NBPF14: variants seen among roughly 807,000 people sequenced by gnomAD.
The protein encoded by NBPF14 is NBPF family member NBPF14.
In NBPF14, 104 loss-of-function variants were observed where a neutral mutation model predicts 91.2. That is an observed-to-expected ratio of 1.14 (90% confidence interval 0.97 to 1.34). The LOEUF (loss-of-function observed/expected upper bound fraction) is 1.34, where lower values mean the gene tolerates loss of function less well. NBPF14 is among the 40% of genes most tolerant of loss of function. The pLI is 0.00. For missense variants in NBPF14, 908 were observed against 783.0 expected (o/e 1.16, Z -1.91); for synonymous variants, 294 against 303.8 (o/e 0.97, Z 0.34).
rs1224633711 is a variant in NBPF14, at chr1:148,590,222, T to A, written c.778+535A>T. On this transcript the variant is annotated intron_variant, in intron 6 of 70. Transcript: ENST00000619423. The stretch of plus-strand genomic sequence containing the variant: ...CCACCACCACGCCCAGCTATTTTTT[T>A]TTTTTTTTGTATTTTTAGTAAAGAT... Among the ~76,000 whole-genome samples, 4 of 140,470 alleles carry A rather than the reference T, an allele frequency of 2.8e-5. 1 individual carries two copies. The highest frequency in any genetic ancestry group is 4.7e-5 in the Non-Finnish European group (3 of 63,234). The allele number at this position is 140,470 out of a possible 152,430, so 92.2% of individuals were successfully genotyped here.
At chr1:148,561,802 A>AAC (rs1370506557) in intron 34 of NBPF14, among the ~76,000 whole-genome samples, 2,082 of 93,118 alleles carry the variant, frequency 0.022, 35 homozygotes, top group Non-Finnish European at 0.034. Context: ...CACACACACA[A>AAC]ACACACACAC....
At chr1:148,572,473 G>C in exon 21 of NBPF14, 1 of 550,772 alleles carries the variant, frequency 1.8e-6, no homozygotes, top group Non-Finnish European at 3.1e-6. Flanking sequence ...CCAAGGTACT[G>C]TTCCTCCAAT....
At chr1:148,533,814 T>C in intron 70 of NBPF14, 47 bp downstream of exon 70, 1 of 768,480 alleles carries the variant, frequency 1.3e-6, no homozygotes, top group Non-Finnish European at 2.4e-6. Flanking sequence ...ATCTGTTGCC[T>C]CCAGGAGTTA....
At chr1:148,577,428 G>T (rs1224360712) in intron 14 of NBPF14, 73 bp from the exon 15 acceptor site, 7 of 662,668 alleles carry the variant, frequency 1.1e-5, no homozygotes, top group Non-Finnish European at 1.9e-5. Flanking sequence ...TAGATTTCAT[G>T]GCTAACGTAA....
chr1:148,576,275 A>T, intron 16 of NBPF14, 135 bp downstream of exon 16: 1 of 555,032 alleles, frequency 1.8e-6, no homozygotes, highest in Admixed American at 2.5e-5. Context: ...ACTGCAATGA[A>T]AACCAACAGC....
exon 5 of NBPF14, chr1:148,591,478 C>G (rs1255365801): frequency 6.2e-7 from 1 of 1,607,758 alleles, no homozygotes; most frequent in Non-Finnish European, 8.5e-7. Context: ...TCAACTTGAA[C>G]ATCTTCATCC....
At chr1:148,571,318 G>A in intron 22 of NBPF14, among the ~76,000 whole-genome samples, 1 of 78,842 alleles carries the variant, frequency 1.3e-5, no homozygotes, top group Non-Finnish European at 2.3e-5. Flanking sequence ...TTGTCCAGGT[G>A]ACACACTGAT....
intron 37 of NBPF14, among the ~76,000 whole-genome samples, chr1:148,559,407 C>T (rs1252225249): frequency 2.2e-5 from 3 of 134,158 alleles, no homozygotes; most frequent in Non-Finnish European, 4.5e-5. Flanking sequence ...ACTATTCACC[C>T]TGTCTCATCA....
chr1:148,561,797 A>T (rs1323241541), intron 34 of NBPF14, among the ~76,000 whole-genome samples: 11 of 97,548 alleles, frequency 1.1e-4, no homozygotes, highest in Non-Finnish European at 2.5e-4. Context: ...ACACACACAC[A>T]CACAAACACA....
rs1251099328 is a variant in NBPF14, at chr1:148,566,324, G to A, written c.3543-9C>T. On this transcript the variant is annotated splice_polypyrimidine_tract_variant and intron_variant, in intron 28 of 70. Transcript: ENST00000619423. Reference sequence around the variant, plus strand: ...GCAGCTCCCTGCTGAGCCTGGAAAAGGAGGAAAAGGTAAAGAATAAGCCAG... The same window carrying A: ...GCAGCTCCCTGCTGAGCCTGGAAAAAGAGGAAAAGGTAAAGAATAAGCCAG... 73 of 767,618 alleles carry A rather than the reference G, an allele frequency of 9.5e-5. 7 individuals are homozygous for A. The Middle Eastern group carries it at 1.8e-3, about 19-fold the overall frequency. 47.6% of individuals were successfully genotyped at this position (767,618 alleles called of 1,614,324 possible). A position where few individuals can be genotyped will look rare whatever the true frequency, so the allele number is the denominator to read the frequency against.
rs1659234376 is a variant in NBPF14, at chr1:148,572,366, G to T, written c.2758+77C>A. The T allele has an allele frequency of 8.4e-5, 29 of 347,064 alleles. 2 individuals carry two copies. Among genetic ancestry groups the T allele is most frequent in the South Asian group, 1.9e-4 (8 of 42,446 alleles). 21.5% of individuals were successfully genotyped at this position (347,064 alleles called of 1,614,324 possible). On this transcript the variant is annotated intron_variant, in intron 21 of 70. Transcript: ENST00000619423. ...CAATGACGTCTCTCGGGTCAGTAAG[G>T]GGCACTTGGAACAGGAATATCACCC...
chr1:148,590,134 C>T (rs1315528975), intron 6 of NBPF14, among the ~76,000 whole-genome samples: 12 of 140,616 alleles, frequency 8.5e-5, no homozygotes, highest in Admixed American at 4.9e-4. Flanking sequence ...CTGCAAGCTC[C>T]GGTTCCTGGG....
chr1:148,534,651 G>T, intron 69 of NBPF14, 33 bp downstream of exon 69: 4 of 857,294 alleles, frequency 4.7e-6, no homozygotes, highest in Non-Finnish European at 6.1e-6. Flanking sequence ...AAGACCAGGT[G>T]GAGGCTTATC....
intron 70 of NBPF14, among the ~76,000 whole-genome samples, chr1:148,533,530 A>C (rs1654158378): frequency 6.6e-6 from 1 of 150,606 alleles, no homozygotes; most frequent in South Asian, 2.1e-4. Context: ...GTCAAAGGAC[A>C]CTCTGAGTTA....
chr1:148,580,954 C>T lies in NBPF14; in HGVS notation c.1638-1717G>A, dbSNP rs1272645633. Among the ~76,000 whole-genome samples the T allele has an allele frequency of 1.3e-4, 13 of 98,006 alleles. 1 individual carries two copies. Among genetic ancestry groups the T allele is most frequent in the Admixed American group, 3.2e-4 (3 of 9,398 alleles). The allele number at this position is 98,006 out of a possible 152,430, so 64.3% of individuals were successfully genotyped here. On this transcript the variant is annotated intron_variant, in intron 12 of 70. Transcript: ENST00000619423. ...ACATGTCCACATTGGTGTGCTTCAC[C>T]CATTAACTCATCATTTAACATTAGG...
At chr1:148,542,096 G>C (rs1312896266) in intron 59 of NBPF14, among the ~76,000 whole-genome samples, 2 of 100,310 alleles carry the variant, frequency 2.0e-5, no homozygotes, top group South Asian at 3.8e-4. Flanking sequence ...TGTGCAAACA[G>C]TTACGCCATA....
At chr1:148,579,637 G>GA (rs1660587930) in intron 12 of NBPF14, among the ~76,000 whole-genome samples, 1 of 140,972 alleles carries the variant, frequency 7.1e-6, no homozygotes, top group African/African-American at 2.8e-5. Context: ...TGTATTAAGG[G>GA]CCCCATTTTC....
At chr1:148,535,381 T>C (rs1357292471) in intron 68 of NBPF14, 72 bp downstream of exon 68, 3 of 533,628 alleles carry the variant, frequency 5.6e-6, no homozygotes, top group Non-Finnish European at 9.8e-6. Context: ...TTGAACACAC[T>C]CTTGTTTTCC....
chr1:148,535,322 C>G (rs1398695685), intron 68 of NBPF14, 131 bp downstream of exon 68: 1 of 605,028 alleles, frequency 1.7e-6, no homozygotes, highest in African/African-American at 2.0e-5. Context: ...CAATGAAAAC[C>G]AACAGCAATG....
Sources: allele counts gnomAD v4.1 joint callset (sites outside exome capture counted in the v4.1 genomes callset), GRCh38; gene constraint gnomAD v4.1.1; transcripts MANE v1.5; gene names NCBI Gene and HGNC (gene_info 2026-07-23, HGNC 2026-07-21).